The following SIKE1 variants were observed in gnomAD, a reference collection of about 807,000 sequenced individuals.
SIKE1 encodes the protein suppressor of IKK epsilon.
Under a neutral mutation model 25.8 loss-of-function variants are expected in SIKE1, and 13 were observed. The ratio of observed to expected loss-of-function variants is 0.50; its 90% CI spans 0.33 to 0.80. The LOEUF (loss-of-function observed/expected upper bound fraction) is 0.80. SIKE1 is among the 30% of genes least tolerant of loss of function. The probability of loss-of-function intolerance (pLI) is 0.02; values close to 1 mark genes in which losing one functional copy is unlikely to be tolerated. For missense variants in SIKE1, 222 were observed against 252.4 expected, an observed-to-expected ratio of 0.88 and a Z score of 0.82; for synonymous variants, 86 against 95.5, an observed-to-expected ratio of 0.90 and a Z score of 0.58.
intron 4 of SIKE1, among the ~76,000 whole-genome samples, chr1:114,774,774 T>C (rs1662166319): frequency 6.6e-6 from 1 of 152,224 alleles, no homozygotes; most frequent in South Asian, 2.1e-4. Context: ...CTCTCCTGGA[T>C]ATCTTACAGT....
In SIKE1 at chr1:114,770,646, T is replaced by C. The variant is rs559374916; in HGVS notation, c.*3625A>G. The C allele has an allele frequency of 3.9e-5, 6 of 152,284 alleles. No individual in the cohort carries two copies. In the South Asian group the frequency reaches 1.2e-3, roughly 32 times the overall value. 9.4% of individuals were successfully genotyped at this position (152,284 alleles called of 1,614,324 possible). A position where few individuals can be genotyped will look rare whatever the true frequency, so the allele number is the denominator to read the frequency against. On this transcript the variant is annotated 3_prime_UTR_variant, in exon 5 of 5. Coordinates refer to ENST00000060969, the MANE Select transcript of SIKE1 (RefSeq NM_025073.3). ...AGGAGGAAGAAATGCTCTGCCTCAT[T>C]AGGTGAGGGATTCCTTAAACACAGG... is the stretch of plus-strand genomic sequence containing the variant.
chr1:114,776,371 A>C lies in SIKE1; in HGVS notation c.497T>G (p.Ile166Ser). 6.2e-7 allele frequency: 1 copy of C among 1,613,018 alleles called. No homozygotes were observed. The highest frequency in any genetic ancestry group is 8.5e-7 in the Non-Finnish European group (1 of 1,179,134). The part of the protein sequence containing the change: ...VQVDDDQFCK[I>S]QEKLAQLELE... ...CTCTAATTGGGCTAATTTTTCCTGA[A>C]TCTTACAAAACTGGTCATCATCCAC... Residue 166 changes from isoleucine to serine, a missense_variant, in exon 4 of 5, where the codon ATT becomes AGT. Transcript: ENST00000060969.
intron 1 of SIKE1, 26 bp downstream of exon 1, chr1:114,780,423 C>G: frequency 6.2e-7 from 1 of 1,609,884 alleles, no homozygotes; most frequent in Non-Finnish European, 8.5e-7. Flanking sequence ...AATCCGAGAG[C>G]ACTGGACTCC....
chr1:114,778,256 A>G (rs552877330), intron 3 of SIKE1, among the ~76,000 whole-genome samples: 116 of 152,366 alleles, frequency 7.6e-4, no homozygotes, highest in African/African-American at 2.6e-3. Flanking sequence ...ACCTATAAAC[A>G]TAAGAACAAT....
chr1:114,776,421 T>A lies in SIKE1; in HGVS notation c.447A>T (p.Gly149=). 1 of 1,613,636 alleles carries A rather than the reference T, an allele frequency of 6.2e-7. No homozygotes were observed. Among genetic ancestry groups the A allele is most frequent in the South Asian group, 1.1e-5 (1 of 91,062 alleles). ...ESQIDRICEM[G]EVMRKAVQVD... ...CCTGAACTGCTTTCCTCATCACTTCTCCCATTTCACAGATTCTGTCAATCT... is the reference window on the plus strand; with the variant it reads ...CCTGAACTGCTTTCCTCATCACTTCACCCATTTCACAGATTCTGTCAATCT... The change falls in exon 4 of 5, where the codon GGA becomes GGT. Residue 149 remains glycine (G), a synonymous_variant. Coordinates refer to ENST00000060969, the MANE Select transcript of SIKE1 (RefSeq NM_025073.3).
rs567972201 is a variant in SIKE1 at position 114,771,709 on chromosome 1, G to A, written c.*2562C>T. Reference sequence around the variant, plus strand: ...TTCTGTATCTTATACATACTATAATGGATTTATCACACTGCATTATAATTT... The same window carrying A: ...TTCTGTATCTTATACATACTATAATAGATTTATCACACTGCATTATAATTT... On this transcript the variant is annotated 3_prime_UTR_variant, in exon 5 of 5. Coordinates refer to ENST00000060969, the MANE Select transcript of SIKE1 (RefSeq NM_025073.3). The A allele has an allele frequency of 2.0e-5, 3 of 152,108 alleles. No homozygotes were observed. Among genetic ancestry groups the A allele is most frequent in the Admixed American group, 6.5e-5 (1 of 15,276 alleles). 9.4% of individuals were successfully genotyped at this position (152,108 alleles called of 1,614,324 possible). A position where few individuals can be genotyped will look rare whatever the true frequency, so the allele number is the denominator to read the frequency against.
chr1:114,774,547 C>T (rs1435544170), intron 4 of SIKE1, among the ~76,000 whole-genome samples, 175 bp from the exon 5 acceptor site: 1 of 152,060 alleles, frequency 6.6e-6, no homozygotes, highest in African/African-American at 2.4e-5. Flanking sequence ...ATTTAACAAA[C>T]ATTTACATGT....
chr1:114,776,754 T>C (rs1228473568), intron 3 of SIKE1, among the ~76,000 whole-genome samples: 1 of 151,824 alleles, frequency 6.6e-6, no homozygotes, highest in Non-Finnish European at 1.5e-5. Context: ...CATTACTGGG[T>C]ATATACCCAA....
In SIKE1 at chr1:114,771,771, T is replaced by C. The variant is rs913919151; in HGVS notation, c.*2500A>G. 7 of 152,344 alleles carry C rather than the reference T, an allele frequency of 4.6e-5. No individual in the cohort carries two copies. The highest frequency in any genetic ancestry group is 3.9e-4 in the Admixed American group (6 of 15,300). 9.4% of individuals were successfully genotyped at this position (152,344 alleles called of 1,614,324 possible). A position where few individuals can be genotyped will look rare whatever the true frequency, so the allele number is the denominator to read the frequency against. ...TTGTCTCCTGTACCAGACTTTTTCA[T>C]TTTTAAATTCATAAGTACTAATGAA... is the stretch of plus-strand genomic sequence containing the variant. On this transcript the variant is annotated 3_prime_UTR_variant, in exon 5 of 5. Transcript: ENST00000060969.
intron 2 of SIKE1, among the ~76,000 whole-genome samples, chr1:114,779,802 T>TAAACACTGAAGG (rs1662350306): frequency 6.6e-6 from 1 of 152,240 alleles, no homozygotes; most frequent in African/African-American, 2.4e-5. Context: ...AGTGTTTATA[T>TAAACACTGAAGG]TAATACTTAA....
In SIKE1 at chr1:114,774,230, C is replaced by A; in HGVS notation, c.*41G>T. On this transcript the variant is annotated 3_prime_UTR_variant, in exon 5 of 5. Coordinates refer to ENST00000060969, the MANE Select transcript of SIKE1 (RefSeq NM_025073.3). ...ACTTGAATGGGAAGACAGTAACTTC[C>A]TTCCTTGATAGACAATCTCCAGCCA... The A allele has an allele frequency of 6.7e-7, 1 of 1,484,926 alleles. No homozygotes were observed. Among genetic ancestry groups the A allele is most frequent in the Non-Finnish European group, 9.4e-7 (1 of 1,066,364 alleles). The allele number at this position is 1,484,926 out of a possible 1,614,324, so 92.0% of individuals were successfully genotyped here. A position where few individuals can be genotyped will look rare whatever the true frequency, so the allele number is the denominator to read the frequency against.
chr1:114,774,354 G>A lies in SIKE1; in HGVS notation c.541C>T (p.Arg181Ter). Reference protein sequence around the residue: ...AQLELENKELRELLSISSESL... With the variant: ...AQLELENKEL ...TCACTGCTGATGGACAATAATTCTC[G>A]AAGTTCCTTATTTTCAAGCTGGAAA... is the stretch of plus-strand genomic sequence containing the variant. The change falls in exon 5 of 5, where the codon CGA (arginine) becomes TGA (stop). Residue 181 changes from arginine (R) to a stop codon, truncating the protein, a stop_gained. Coordinates refer to ENST00000060969, the MANE Select transcript of SIKE1 (RefSeq NM_025073.3). LOFTEE classifies it high-confidence loss of function. 2.5e-6 allele frequency: 4 copies of A among 1,604,674 alleles called. No homozygotes were observed. The highest frequency in any genetic ancestry group is 1.7e-5 in the Admixed American group (1 of 59,834).
chr1:114,779,973 T>C, intron 2 of SIKE1, 137 bp downstream of exon 2: 4 of 629,424 alleles, frequency 6.4e-6, no homozygotes, highest in Non-Finnish European at 1.1e-5. Flanking sequence ...TAACAAACTT[T>C]ATTGTTACTG....
chr1:114,774,222 G>T lies in SIKE1; in HGVS notation c.*49C>A. On this transcript the variant is annotated 3_prime_UTR_variant, in exon 5 of 5. Transcript: ENST00000060969. ...TGGACAGTACTTGAATGGGAAGACAGTAACTTCCTTCCTTGATAGACAATC... is the reference window on the plus strand; with the variant it reads ...TGGACAGTACTTGAATGGGAAGACATTAACTTCCTTCCTTGATAGACAATC... 7.0e-7 allele frequency: 1 copy of T among 1,426,384 alleles called. No individual in the cohort carries two copies. Among genetic ancestry groups the T allele is most frequent in the Non-Finnish European group, 9.9e-7 (1 of 1,013,744 alleles). 88.4% of individuals were successfully genotyped at this position (1,426,384 alleles called of 1,614,324 possible). A position where few individuals can be genotyped will look rare whatever the true frequency, so the allele number is the denominator to read the frequency against.
chr1:114,779,757 A>C (rs905650533), intron 2 of SIKE1, among the ~76,000 whole-genome samples: 1 of 152,248 alleles, frequency 6.6e-6, no homozygotes, highest in Non-Finnish European at 1.5e-5. Context: ...CCTTGCACAA[A>C]CAAGAACATA....
intron 2 of SIKE1, 115 bp from the exon 3 acceptor site, chr1:114,779,399 A>C: frequency 8.8e-7 from 1 of 1,135,942 alleles, no homozygotes; most frequent in Non-Finnish European, 1.2e-6. Context: ...TAAAGTTGTA[A>C]ATCAATGTTT....
In SIKE1 at chr1:114,773,362, A is replaced by G. The variant is rs1384753098; in HGVS notation, c.*909T>C. 6.6e-6 allele frequency: 1 copy of G among 152,154 alleles called. No homozygotes were observed. The highest frequency in any genetic ancestry group is 1.5e-5 in the Non-Finnish European group (1 of 68,024). 9.4% of individuals were successfully genotyped at this position (152,154 alleles called of 1,614,324 possible). A position where few individuals can be genotyped will look rare whatever the true frequency, so the allele number is the denominator to read the frequency against. ...AAGAAAGCCAACTATTAGTGCTAGG[A>G]ATGAAAGACATCCAATCCAAGTAAG... is the stretch of plus-strand genomic sequence containing the variant. On this transcript the variant is annotated 3_prime_UTR_variant, in exon 5 of 5. Transcript: ENST00000060969.
chr1:114,778,580 G>T (rs959369232), intron 3 of SIKE1, among the ~76,000 whole-genome samples: 1 of 152,120 alleles, frequency 6.6e-6, no homozygotes, highest in Non-Finnish European at 1.5e-5. Context: ...AGAGATCTTG[G>T]TGAGGGAGGG....
chr1:114,780,637 G>T lies in SIKE1; in HGVS notation c.-30C>A. On this transcript the variant is annotated 5_prime_UTR_variant, in exon 1 of 5. Transcript: ENST00000060969. ...GCAGCACCACCCCAGCCCCTGCCGG[G>T]CTCAGCTACGCGACTCGCTCAGATC... 1.9e-6 allele frequency: 3 copies of T among 1,552,870 alleles called. No homozygotes were observed. Among genetic ancestry groups the T allele is most frequent in the Non-Finnish European group, 2.6e-6 (3 of 1,142,426 alleles).
Sources: allele counts gnomAD v4.1 joint callset (sites outside exome capture counted in the v4.1 genomes callset), GRCh38; gene constraint gnomAD v4.1.1; transcripts MANE v1.5; gene names NCBI Gene and HGNC (gene_info 2026-07-23, HGNC 2026-07-21).